SARDH: variants seen among roughly 807,000 people sequenced by gnomAD.
SARDH encodes the protein sarcosine dehydrogenase, mitochondrial.
SARDH carries 95 observed loss-of-function variants against 109.1 expected under a neutral mutation model. The ratio of observed to expected loss-of-function variants is 0.87; its 90% CI spans 0.74 to 1.03. The LOEUF (loss-of-function observed/expected upper bound fraction) is 1.03. SARDH is among the 50% of genes least tolerant of loss of function. The probability of loss-of-function intolerance (pLI) is 0.00; values close to 1 mark genes in which losing one functional copy is unlikely to be tolerated. For missense variants in SARDH, 1,267 were observed against 1,287.8 expected (o/e 0.98, Z 0.25); for synonymous variants, 572 against 534.8 (o/e 1.07, Z -0.96).
intron 17 of SARDH, among the ~76,000 whole-genome samples, chr9:133,679,501 C>T (rs1830623339): frequency 1.3e-5 from 2 of 152,264 alleles, no homozygotes; most frequent in African/African-American, 4.8e-5. Context: ...TGCTCCCAGC[C>T]CAGCATGCTG....
intron 13 of SARDH, among the ~76,000 whole-genome samples, chr9:133,702,025 G>A (rs990881562): frequency 3.3e-5 from 5 of 152,218 alleles, no homozygotes; most frequent in African/African-American, 1.2e-4. Flanking sequence ...CCCCAGGAAG[G>A]AACCCCCTCG....
intron 10 of SARDH, among the ~76,000 whole-genome samples, chr9:133,710,294 T>C (rs1160948113): frequency 6.6e-6 from 1 of 152,224 alleles, no homozygotes; most frequent in Non-Finnish European, 1.5e-5. Flanking sequence ...CCAAGGGCCA[T>C]GCAGCTGACA....
intron 20 of SARDH, among the ~76,000 whole-genome samples, chr9:133,664,492 G>C (rs129927): frequency 0.31 from 47,876 of 152,098 alleles, 7,833 homozygotes; most frequent in East Asian, 0.46. Flanking sequence ...CCCAGCAAGC[G>C]CTCGGGAGCC....
chr9:133,670,485 G>A (rs1830302508), intron 19 of SARDH, 99 bp downstream of exon 19: 10 of 1,303,658 alleles, frequency 7.7e-6, no homozygotes, highest in Non-Finnish European at 9.5e-6. Flanking sequence ...CATGGGAAGT[G>A]TTGGTACCAG....
Position 133,732,424 on chromosome 9 carries a change from G to A in SARDH, c.509C>T (p.Ser170Leu). 7.8e-7 allele frequency: 1 copy of A among 1,277,550 alleles called. No individual in the cohort carries two copies. The highest frequency in any genetic ancestry group is 1.2e-5 in the South Asian group (1 of 85,606). 79.1% of individuals were successfully genotyped at this position (1,277,550 alleles called of 1,614,324 possible). Residue 170 changes from serine (S) to leucine (L), a missense_variant and splice_region_variant, in exon 3 of 21, where the codon TCG becomes TTG. Physicochemically the swap from Ser to Leu is moderately radical, Grantham distance 145 (BLOSUM62 -2). Transcript: ENST00000439388. ...TGCCCCCCGCAGGGGAGCACACACCGACATGAGCCTCTTGTACTCGTCCAG... is the reference window on the plus strand; with the variant it reads ...TGCCCCCCGCAGGGGAGCACACACCAACATGAGCCTCTTGTACTCGTCCAG... Reference protein sequence around the residue: ...QRLDEYKRLMSLGKAYGVESH... With the variant: ...QRLDEYKRLMLLGKAYGVESH...
At chr9:133,664,665 G>A (rs1830000482) in intron 20 of SARDH, among the ~76,000 whole-genome samples, 1 of 152,222 alleles carries the variant, frequency 6.6e-6, no homozygotes, top group Non-Finnish European at 1.5e-5. Context: ...CCCAAGGTCA[G>A]GGCCACAGGA....
chr9:133,711,847 T>C (rs1289596370), intron 10 of SARDH, among the ~76,000 whole-genome samples: 1 of 151,618 alleles, frequency 6.6e-6, no homozygotes, highest in Non-Finnish European at 1.5e-5. Flanking sequence ...GCACGGGGAG[T>C]GGCCCGGGCC....
intron 17 of SARDH, among the ~76,000 whole-genome samples, chr9:133,682,902 T>C (rs2502734): frequency 0.094 from 5,491 of 58,644 alleles, 905 homozygotes; most frequent in African/African-American, 0.36. Context: ...CTGAAACCCA[T>C]GCGCAGTGAT....
Position 133,708,276 on chromosome 9 carries a change from A to AG in SARDH, c.1470+10dup. 3.1e-6 allele frequency: 5 copies of AG among 1,609,634 alleles called. No individual in the cohort carries two copies. The highest frequency in any genetic ancestry group is 2.5e-6 in the Non-Finnish European group (3 of 1,177,932). On this transcript the variant is annotated intron_variant, in intron 11 of 20. Coordinates refer to ENST00000439388, the MANE Select transcript of SARDH (RefSeq NM_001134707.2). ...GCTGCCAGTCCCCAGCAGGAGCTGT[A>AG]GGGGCGTTACCTCGTGCAGCGGGTC... is the stretch of plus-strand genomic sequence containing the variant.
intron 2 of SARDH, 65 bp from the exon 3 acceptor site, chr9:133,732,666 A>G (rs1447195245): frequency 1.3e-6 from 2 of 1,496,048 alleles, no homozygotes; most frequent in African/African-American, 1.4e-5. Flanking sequence ...CCCCAGACGA[A>G]TATCAGGGGA....
chr9:133,672,229 G>A (rs1830376130), intron 17 of SARDH, among the ~76,000 whole-genome samples: 1 of 152,148 alleles, frequency 6.6e-6, no homozygotes, highest in African/African-American at 2.4e-5. Flanking sequence ...TCCCCTTTGT[G>A]TCTCTGTCTT....
intron 17 of SARDH, among the ~76,000 whole-genome samples, chr9:133,673,495 C>T (rs778762363): frequency 1.4e-4 from 22 of 152,246 alleles, no homozygotes; most frequent in Non-Finnish European, 2.2e-4. Context: ...GGGCAGAGGC[C>T]GCTCTCCCAA....
downstream of SARDH, among the ~76,000 whole-genome samples, chr9:133,660,141 A>AC (rs2131300318): frequency 7.5e-6 from 1 of 132,964 alleles, no homozygotes; most frequent in African/African-American, 2.9e-5. Context: ...TGTCCCCCCT[A>AC]CCCCGCTCCA....
intron 4 of SARDH, 113 bp downstream of exon 4, chr9:133,731,192 G>T: frequency 1.4e-6 from 2 of 1,399,202 alleles, no homozygotes; most frequent in Non-Finnish European, 1.9e-6. Flanking sequence ...CTGGCCCAAA[G>T]TCACACAGCA....
intron 19 of SARDH, chr9:133,667,131 G>A (rs979066918): frequency 1.2e-5 from 7 of 581,780 alleles, no homozygotes; most frequent in Admixed American, 3.1e-5. Flanking sequence ...GTTTCCAGAA[G>A]CGAGCCCCGT....
intron 2 of SARDH, 103 bp downstream of exon 2, chr9:133,733,740 C>T: frequency 8.5e-7 from 1 of 1,178,164 alleles, no homozygotes; most frequent in Non-Finnish European, 1.1e-6. Context: ...GTCTCTTCCC[C>T]AGGCTGGTTG....
At chr9:133,679,696 C>G (rs939181252) in intron 17 of SARDH, among the ~76,000 whole-genome samples, 37 of 152,368 alleles carry the variant, frequency 2.4e-4, no homozygotes, top group African/African-American at 8.9e-4. Context: ...TTCTCCCCAC[C>G]CTGCTTCCTC....
Position 133,734,200 on chromosome 9 carries a change from G to C in SARDH, c.-27C>G, listed in dbSNP as rs773321637. 3.3e-6 allele frequency: 5 copies of C among 1,508,354 alleles called. No individual in the cohort carries two copies. Among genetic ancestry groups the C allele is most frequent in the Non-Finnish European group, 2.7e-6 (3 of 1,128,710 alleles). 93.4% of individuals were successfully genotyped at this position (1,508,354 alleles called of 1,614,324 possible). A position where few individuals can be genotyped will look rare whatever the true frequency, so the allele number is the denominator to read the frequency against. On this transcript the variant is annotated 5_prime_UTR_variant, in exon 2 of 21. Transcript: ENST00000439388. ...GGGGCTCCAGGCCTCAGCGAAACAG[G>C]GAGCTGGGGAGAGAATCAGAGCTGG...
intron 2 of SARDH, among the ~76,000 whole-genome samples, chr9:133,733,620 C>T (rs1832760132): frequency 6.6e-6 from 1 of 152,240 alleles, no homozygotes. Flanking sequence ...CTCCAGGCCA[C>T]ACAAGCAGCA....
Sources: allele counts gnomAD v4.1 joint callset (sites outside exome capture counted in the v4.1 genomes callset), GRCh38; gene constraint gnomAD v4.1.1; transcripts MANE v1.5; gene names NCBI Gene and HGNC (gene_info 2026-07-23, HGNC 2026-07-21).